The following ARHGEF38 variants were observed in gnomAD, a reference collection of about 807,000 sequenced individuals.
The protein encoded by ARHGEF38 is Rho guanine nucleotide exchange factor (GEF) 38.
A neutral mutation model predicts 79.9 loss-of-function variants in ARHGEF38; 79 were observed. The observed-to-expected ratio is 0.99, with a 90% CI of 0.82 to 1.19. The LOEUF is 1.19. Ranked by LOEUF, ARHGEF38 falls within the 50% of genes most tolerant of loss-of-function variation. The probability of loss-of-function intolerance (pLI) is 0.00; values close to 1 mark genes in which losing one functional copy is unlikely to be tolerated. For synonymous variants in ARHGEF38, 366 were observed against 328.3 expected (o/e 1.11, Z -1.24); for missense variants, 962 against 907.2 (o/e 1.06, Z -0.78).
chr4:105,576,761 G>A (rs915532674), intron 1 of ARHGEF38, among the ~76,000 whole-genome samples: 7 of 152,200 alleles, frequency 4.6e-5, no homozygotes, highest in African/African-American at 1.4e-4. Context: ...TTCACAGGAG[G>A]AATTCTTTCA....
At chr4:105,567,834 A>G (rs4569760) in intron 1 of ARHGEF38, among the ~76,000 whole-genome samples, 147,536 of 151,954 alleles carry the variant, frequency 0.97, 71,625 homozygotes, top group East Asian at 1. Flanking sequence ...ACATTGTGCA[A>G]GTTAGTTACA....
Position 105,662,909 on chromosome 4 carries a change from A to G in ARHGEF38, c.1546-3268A>G, listed in dbSNP as rs148023343. Among the ~76,000 whole-genome samples, 330 of 152,314 alleles carry G rather than the reference A, an allele frequency of 2.2e-3. 2 individuals carry two copies. Among genetic ancestry groups the G allele is most frequent in the African/African-American group, 7.4e-3 (308 of 41,584 alleles). ...ATCTTTCACATTGCAGTCCATAGCCAAACAAGAGCATAGAGATGCTTTGTT... is the reference window on the plus strand; with the variant it reads ...ATCTTTCACATTGCAGTCCATAGCCGAACAAGAGCATAGAGATGCTTTGTT... On this transcript the variant is annotated intron_variant, in intron 10 of 13. Coordinates refer to ENST00000420470, the MANE Select transcript of ARHGEF38 (RefSeq NM_001242729.2).
intron 2 of ARHGEF38, among the ~76,000 whole-genome samples, chr4:105,596,863 GGCTGCCTT>G (rs1727604497): frequency 6.6e-6 from 1 of 152,198 alleles, no homozygotes; most frequent in South Asian, 2.1e-4. Context: ...TCCAGCCCCT[GGCTGCCTT>G]GCTGTGGAAC....
At chr4:105,561,655 A>C (rs1725636482) in intron 1 of ARHGEF38, 1 of 152,064 alleles carries the variant, frequency 6.6e-6, no homozygotes, top group African/African-American at 2.4e-5. Context: ...TAGGTAAGGG[A>C]ATACCTTTCC....
chr4:105,617,600 G>A (rs1434874058), intron 3 of ARHGEF38, among the ~76,000 whole-genome samples: 2 of 152,044 alleles, frequency 1.3e-5, no homozygotes, highest in Non-Finnish European at 2.9e-5. Context: ...ACATGGCATT[G>A]GACTATTTTT....
chr4:105,626,285 CT>C (rs1221928549), intron 3 of ARHGEF38, among the ~76,000 whole-genome samples: 1 of 152,202 alleles, frequency 6.6e-6, no homozygotes, highest in African/African-American at 2.4e-5. Context: ...GGAATCATCT[CT>C]CACACATGTT....
chr4:105,622,586 C>G (rs941730515), intron 3 of ARHGEF38, among the ~76,000 whole-genome samples: 3 of 152,018 alleles, frequency 2.0e-5, no homozygotes, highest in African/African-American at 7.2e-5. Flanking sequence ...CAGGGTTTGA[C>G]CAAAAAGGGG....
chr4:105,599,566 A>T (rs1309663867), intron 2 of ARHGEF38, among the ~76,000 whole-genome samples: 1 of 152,162 alleles, frequency 6.6e-6, no homozygotes, highest in Non-Finnish European at 1.5e-5. Flanking sequence ...CATGTGTAGA[A>T]TAAGCGACAA....
intron 1 of ARHGEF38, among the ~76,000 whole-genome samples, chr4:105,585,963 T>C (rs1262535112): frequency 6.6e-6 from 1 of 151,968 alleles, no homozygotes; most frequent in Non-Finnish European, 1.5e-5. Context: ...ACTCCTAACC[T>C]CAGGTGATCC....
intron 2 of ARHGEF38, among the ~76,000 whole-genome samples, chr4:105,594,094 A>G (rs781776170): frequency 3.9e-5 from 6 of 152,134 alleles, no homozygotes; most frequent in Non-Finnish European, 7.4e-5. Flanking sequence ...AGTTCTCTCC[A>G]CTAAGGTAAT....
chr4:105,619,773 A>G (rs1395337128), intron 3 of ARHGEF38, among the ~76,000 whole-genome samples: 1 of 152,216 alleles, frequency 6.6e-6, no homozygotes, highest in East Asian at 1.9e-4. Flanking sequence ...CTCTGAGCCA[A>G]ACGTTGTAGA....
intron 2 of ARHGEF38, among the ~76,000 whole-genome samples, chr4:105,610,554 A>G (rs1197522213): frequency 6.6e-6 from 1 of 152,080 alleles, no homozygotes; most frequent in Non-Finnish European, 1.5e-5. Flanking sequence ...AATTTATATC[A>G]GTAATCATAA....
At chr4:105,603,969 G>A (rs988290817) in intron 2 of ARHGEF38, among the ~76,000 whole-genome samples, 2 of 152,158 alleles carry the variant, frequency 1.3e-5, no homozygotes, top group Admixed American at 1.3e-4. Context: ...GGCAGGAGGT[G>A]TTTGTTTTTT....
intron 10 of ARHGEF38, among the ~76,000 whole-genome samples, chr4:105,662,590 A>T (rs1730600813): frequency 6.6e-6 from 1 of 152,166 alleles, no homozygotes; most frequent in African/African-American, 2.4e-5. Context: ...GTTGTAAAAT[A>T]TGGATTTAAT....
intron 13 of ARHGEF38, among the ~76,000 whole-genome samples, chr4:105,668,725 A>G (rs149807658): frequency 3.5e-4 from 53 of 152,220 alleles, no homozygotes; most frequent in Non-Finnish European, 5.6e-4. Flanking sequence ...AGATAGATAG[A>G]GAAGTTAAAA....
intron 3 of ARHGEF38, among the ~76,000 whole-genome samples, chr4:105,622,619 A>G (rs978202203): frequency 6.6e-6 from 1 of 152,186 alleles, no homozygotes. Context: ...ACGTCACAAG[A>G]AATCCGTAAC....
At chr4:105,633,989 G>T (rs1318906407) in intron 4 of ARHGEF38, among the ~76,000 whole-genome samples, 1 of 152,150 alleles carries the variant, frequency 6.6e-6, no homozygotes, top group African/African-American at 2.4e-5. Context: ...TCTTTCAAAA[G>T]AGAGAATAAT....
At chr4:105,610,939 C>CAT (rs1728267789) in intron 2 of ARHGEF38, among the ~76,000 whole-genome samples, 2 of 152,000 alleles carry the variant, frequency 1.3e-5, no homozygotes, top group Non-Finnish European at 2.9e-5. Context: ...AAAATCTAAA[C>CAT]AGAGATAGTA....
chr4:105,602,668 A>G (rs1342301320), intron 2 of ARHGEF38, among the ~76,000 whole-genome samples: 1 of 152,132 alleles, frequency 6.6e-6, no homozygotes, highest in African/African-American at 2.4e-5. Flanking sequence ...TGATGCACCC[A>G]AAGACCAGTC....
Sources: allele counts gnomAD v4.1 joint callset (sites outside exome capture counted in the v4.1 genomes callset), GRCh38; gene constraint gnomAD v4.1.1; transcripts MANE v1.5; gene names NCBI Gene and HGNC (gene_info 2026-07-23, HGNC 2026-07-21).